ZNF680: variants seen among roughly 807,000 people sequenced by gnomAD.
ZNF680 encodes hypothetical protein FLJ90430.
Under a neutral mutation model 12.1 loss-of-function variants are expected in ZNF680, and 6 were observed. The observed-to-expected ratio is 0.49, with a 90% CI of 0.27 to 0.98. ZNF680 has a LOEUF of 0.98. Ranked by LOEUF, ZNF680 falls within the 50% of genes least tolerant of loss-of-function variation. The probability of loss-of-function intolerance (pLI) is 0.12; values close to 1 mark genes in which losing one functional copy is unlikely to be tolerated. For missense variants in ZNF680, 561 were observed against 616.3 expected, an observed-to-expected ratio of 0.91 and a Z score of 0.95; for synonymous variants, 170 against 199.3, an observed-to-expected ratio of 0.85 and a Z score of 1.24.
chr7:64,514,957 C>A (rs1296885030), downstream of ZNF680, among the ~76,000 whole-genome samples: 1 of 151,952 alleles, frequency 6.6e-6, no homozygotes, highest in African/African-American at 2.4e-5. Context: ...GCAGGAGAAT[C>A]GCTTGAACCC....
In ZNF680 at chr7:64,522,350, A is replaced by G. The variant is rs144695142; in HGVS notation, c.404T>C (p.Phe135Ser). The change falls in exon 4 of 4, where the codon TTC (phenylalanine) becomes TCC (serine). Residue 135 changes from phenylalanine to serine, a missense_variant. Transcript: ENST00000309683. ...SCKSVDESKV[F>S]KEGYNELNQC... Reference sequence around the variant, plus strand: ...GTTAAGTTCATTATAACCTTCTTTGAACACCTTAGACTCATCCACACTTTT... The same window carrying G: ...GTTAAGTTCATTATAACCTTCTTTGGACACCTTAGACTCATCCACACTTTT... 1.9e-6 allele frequency: 3 copies of G among 1,613,050 alleles called. No homozygotes were observed. In the African/African-American group the frequency reaches 4.0e-5, roughly 22 times the overall value.
chr7:64,559,670 C>T (rs117082748), intron 1 of ZNF680, among the ~76,000 whole-genome samples: 1,748 of 152,012 alleles, frequency 0.011, 25 homozygotes, highest in Non-Finnish European at 0.019. Flanking sequence ...CTGGTAGAGA[C>T]GGGGTTTCAC....
intron 3 of ZNF680, among the ~76,000 whole-genome samples, chr7:64,535,073 G>T (rs563827468): frequency 6.6e-6 from 1 of 152,036 alleles, no homozygotes; most frequent in Non-Finnish European, 1.5e-5. Context: ...CTGCTTACGT[G>T]ATGAGTGCAC....
intron 1 of ZNF680, among the ~76,000 whole-genome samples, chr7:64,558,399 G>A (rs571288897): frequency 1.3e-5 from 2 of 152,242 alleles, no homozygotes; most frequent in East Asian, 1.9e-4. Flanking sequence ...TGTGGGAAAA[G>A]GGGGTCTGTT....
intron 1 of ZNF680, among the ~76,000 whole-genome samples, chr7:64,553,418 T>C (rs1159963944): frequency 1.3e-5 from 2 of 152,222 alleles, no homozygotes; most frequent in African/African-American, 4.8e-5. Flanking sequence ...GAGCCTCTTA[T>C]TTTTATTTTC....
rs1410626434 is a variant in ZNF680, at chr7:64,562,967, T to C, written c.-13A>G. 1 of 1,613,272 alleles carries C rather than the reference T, an allele frequency of 6.2e-7. No individual in the cohort carries two copies. Among genetic ancestry groups the C allele is most frequent in the Non-Finnish European group, 8.5e-7 (1 of 1,179,574 alleles). On this transcript the variant is annotated 5_prime_UTR_variant, in exon 1 of 4. It removes an upstream start codon present in the reference 5' UTR. Coordinates refer to ENST00000309683, the MANE Select transcript of ZNF680 (RefSeq NM_178558.5). Reference sequence around the variant, plus strand: ...GTGGTCCTGGCATCTTAGCTGTGCATCTCCCAATACCTGCAGATAACGGAG... The same window carrying C: ...GTGGTCCTGGCATCTTAGCTGTGCACCTCCCAATACCTGCAGATAACGGAG...
chr7:64,504,779 C>T, the ZNF680 span, among the ~76,000 whole-genome samples: 1 of 152,130 alleles, frequency 6.6e-6, no homozygotes, highest in South Asian at 2.1e-4. Flanking sequence ...TTAATTTAAT[C>T]GGCTGTTATT....
intron 3 of ZNF680, among the ~76,000 whole-genome samples, chr7:64,527,700 A>C (rs1791943831): frequency 6.6e-6 from 1 of 152,124 alleles, no homozygotes; most frequent in Non-Finnish European, 1.5e-5. Context: ...TGTCTCCAAA[A>C]AAAAAAAAAG....
At chr7:64,556,193 TGCCAAATGAAATTTACA>T (rs1787403844) in intron 1 of ZNF680, among the ~76,000 whole-genome samples, 1 of 148,296 alleles carries the variant, frequency 6.7e-6, no homozygotes, top group Non-Finnish European at 1.5e-5. Context: ...ATGGCCATAC[TGCCAAATGAAATTTACA>T]GAATTAATGC....
intron 3 of ZNF680, among the ~76,000 whole-genome samples, chr7:64,536,865 T>C (rs1786195995): frequency 6.6e-6 from 1 of 152,080 alleles, no homozygotes; most frequent in Non-Finnish European, 1.5e-5. Context: ...CACAAGAAGT[T>C]TCAGGCCAGC....
chr7:64,515,536 G>T (rs909322272), downstream of ZNF680, among the ~76,000 whole-genome samples: 2 of 151,944 alleles, frequency 1.3e-5, no homozygotes, highest in Non-Finnish European at 2.9e-5. Flanking sequence ...ATGAGTCATT[G>T]CCTCCACCCC....
chr7:64,553,698 G>A (rs550721421), intron 1 of ZNF680, among the ~76,000 whole-genome samples: 1 of 152,358 alleles, frequency 6.6e-6, no homozygotes, highest in East Asian at 1.9e-4. Context: ...TGATTCTCCT[G>A]CCTCAGCCTG....
chr7:64,554,215 A>G (rs1408200975), intron 1 of ZNF680, among the ~76,000 whole-genome samples: 1 of 130,856 alleles, frequency 7.6e-6, no homozygotes, highest in Non-Finnish European at 1.6e-5. Context: ...TGAGATGTGA[A>G]GAGCGCCTCT....
At chr7:64,543,643 T>C in intron 3 of ZNF680, 64 bp downstream of exon 3, 1 of 1,385,208 alleles carries the variant, frequency 7.2e-7, no homozygotes. Flanking sequence ...AGAACTGACT[T>C]TCTCTTTGAC....
chr7:64,500,464 A>G, the ZNF680 span, among the ~76,000 whole-genome samples: 3 of 152,236 alleles, frequency 2.0e-5, no homozygotes, highest in Admixed American at 2.0e-4. Flanking sequence ...CTATGGGGAA[A>G]AAAAAGGAAC....
At chr7:64,515,667 G>A (rs536967697), downstream of ZNF680, among the ~76,000 whole-genome samples, 1 of 152,128 alleles carries the variant, frequency 6.6e-6, no homozygotes, top group South Asian at 2.1e-4. Context: ...AAACCCTCCA[G>A]CCTATTTACA....
At chr7:64,501,067 A>G in the ZNF680 span, 1 of 861,000 alleles carries the variant, frequency 1.2e-6, no homozygotes, top group African/African-American at 1.7e-5. Context: ...GGTTTTAGAT[A>G]TTAACCTGGC....
rs969502441 is a variant in ZNF680, at chr7:64,542,567, C to T, written c.253+1140G>A. ...TACAAGTTTAAGTTATGGTTCCATA[C>T]ACTTAAAGCAAACTGATTATTAAGA... On this transcript the variant is annotated intron_variant, in intron 3 of 3. Coordinates refer to ENST00000309683, the MANE Select transcript of ZNF680 (RefSeq NM_178558.5). Among the ~76,000 whole-genome samples, 6 of 152,160 alleles carry T rather than the reference C, an allele frequency of 3.9e-5. No homozygotes were observed. The East Asian group carries it at 1.2e-3, about 29-fold the overall frequency.
chr7:64,513,291 C>T, the ZNF680 span, among the ~76,000 whole-genome samples: 22 of 151,324 alleles, frequency 1.5e-4, 1 homozygote, highest in East Asian at 2.5e-3. Context: ...TTTAAAAGTA[C>T]GTTTTGCCTA....
Sources: gnomAD v4.1 joint callset for allele counts (sites outside exome capture counted in the v4.1 genomes callset) on GRCh38, gnomAD v4.1.1 for gene constraint, MANE v1.5 for transcripts, NCBI Gene and HGNC (gene_info 2026-07-23, HGNC 2026-07-21) for gene names.